BTD: variants seen among roughly 807,000 people sequenced by gnomAD.
BTD encodes the protein biotinidase, also known as biocytinase.
Under a neutral mutation model 17.7 loss-of-function variants are expected in BTD, and 13 were observed. The observed-to-expected ratio is 0.74, with a 90% CI of 0.48 to 1.17. The LOEUF (loss-of-function observed/expected upper bound fraction) is 1.17, where lower values mean the gene tolerates loss of function less well. Ranked by LOEUF, BTD falls within the 50% of genes most tolerant of loss-of-function variation. The probability of loss-of-function intolerance (pLI) is 0.00; values close to 1 mark genes in which losing one functional copy is unlikely to be tolerated. For synonymous variants in BTD, 240 were observed against 245.2 expected (o/e 0.98, Z 0.20); for missense variants, 674 against 650.4 (o/e 1.04, Z -0.39).
At chr3:15,667,412 C>A (rs2066035788) in intron 3 of BTD, 1 of 152,164 alleles carries the variant, frequency 6.6e-6, no homozygotes, top group Non-Finnish European at 1.5e-5. Flanking sequence ...AGTTCTAGAG[C>A]AGAAGCTGGT....
At chr3:15,666,784 T>C (rs1179830419) in intron 3 of BTD, among the ~76,000 whole-genome samples, 3 of 152,260 alleles carry the variant, frequency 2.0e-5, no homozygotes, top group Non-Finnish European at 2.9e-5. Flanking sequence ...AAAGAGCTGC[T>C]GATTTTGTTC....
At chr3:15,702,224 T>A (rs2070727038) in intron 3 of BTD, among the ~76,000 whole-genome samples, 1 of 152,236 alleles carries the variant, frequency 6.6e-6, no homozygotes, top group Non-Finnish European at 1.5e-5. Flanking sequence ...CCTTTATCCA[T>A]TGTTCTATGT....
intron 3 of BTD, among the ~76,000 whole-genome samples, chr3:15,696,683 C>CAA (rs2069624765): frequency 6.6e-6 from 1 of 151,760 alleles, no homozygotes; most frequent in Non-Finnish European, 1.5e-5. Flanking sequence ...GGATGTTAAA[C>CAA]AAAACAAAAC....
At chr3:15,708,542 ACTC>A (rs2071779276) in intron 3 of BTD, among the ~76,000 whole-genome samples, 5 of 152,088 alleles carry the variant, frequency 3.3e-5, no homozygotes, top group African/African-American at 9.7e-5. Context: ...AACCCTCTCA[ACTC>A]AAAGCATTTT....
rs954096519 is a variant in BTD, at chr3:15,617,584, C to G, written c.-17+15690C>G. On this transcript the variant is annotated intron_variant, in intron 1 of 3. Coordinates refer to ENST00000643237, the MANE Select transcript of BTD (RefSeq NM_001370658.1). ...TTTGTCAAAGATGAGTTAACTATAG[C>G]CTGGTGTGCAGTGGTACACACTTGT... Among the ~76,000 whole-genome samples the G allele has an allele frequency of 3.3e-5, 5 of 152,142 alleles. No individual in the cohort carries two copies. In the East Asian group the frequency reaches 7.7e-4, roughly 23 times the overall value.
intron 1 of BTD, among the ~76,000 whole-genome samples, chr3:15,607,150 A>G (rs1232483701): frequency 6.6e-6 from 1 of 151,638 alleles, no homozygotes; most frequent in Non-Finnish European, 1.5e-5. Flanking sequence ...ATTCTTTATT[A>G]CTTTCATTGG....
chr3:15,644,279 CA>C (rs1416958151), intron 3 of BTD, 36 bp from the exon 4 acceptor site: 1 of 1,592,768 alleles, frequency 6.3e-7, no homozygotes, highest in South Asian at 1.1e-5. Context: ...GGATTACAGG[CA>C]AAAACCTCAT....
Position 15,634,215 on chromosome 3 carries a change from T to G in BTD, c.-16-1209T>G, listed in dbSNP as rs147928402. 7.2e-4 allele frequency among the ~76,000 whole-genome samples: 109 copies of G among 152,366 alleles called. 1 individual carries two copies. The East Asian group carries it at 0.019, about 26-fold the overall frequency. On this transcript the variant is annotated intron_variant, in intron 1 of 3. Coordinates refer to ENST00000643237, the MANE Select transcript of BTD (RefSeq NM_001370658.1). ...GAAATTTGTAGCCTGGGGAGTTTGGTTTTAAAATGCAAACACAGGAGTTAT... is the reference window on the plus strand; with the variant it reads ...GAAATTTGTAGCCTGGGGAGTTTGGGTTTAAAATGCAAACACAGGAGTTAT...
At chr3:15,614,598 C>CTTTT (rs869155456) in intron 1 of BTD, among the ~76,000 whole-genome samples, 2 of 125,254 alleles carry the variant, frequency 1.6e-5, no homozygotes, top group East Asian at 2.1e-4. Flanking sequence ...ATATCTTTTT[C>CTTTT]TTTTTTTTTT....
chr3:15,624,988 T>C (rs532616731), intron 1 of BTD, among the ~76,000 whole-genome samples: 9 of 152,344 alleles, frequency 5.9e-5, no homozygotes, highest in Admixed American at 3.3e-4. Flanking sequence ...CCTCCCTAAG[T>C]GCTGGGATTA....
In BTD at chr3:15,649,692, TC is replaced by T. The variant is rs111617925; in HGVS notation, c.*4205del. 1.2e-4 allele frequency among the ~76,000 whole-genome samples: 18 copies of T among 152,198 alleles called. No homozygotes were observed. The highest frequency in any genetic ancestry group is 4.3e-4 in the African/African-American group (18 of 41,456). ...GTACTGTTGTCTGCTTGAAATGGCGTCTTCTGATGAACACTCATCCATCCTT... is the reference window on the plus strand; with the variant it reads ...GTACTGTTGTCTGCTTGAAATGGCGTTTCTGATGAACACTCATCCATCCTT... On this transcript the variant is annotated 3_prime_UTR_variant, in exon 4 of 4. Coordinates refer to ENST00000643237, the MANE Select transcript of BTD (RefSeq NM_001370658.1).
intron 1 of BTD, among the ~76,000 whole-genome samples, chr3:15,613,015 G>T (rs1464129195): frequency 6.6e-6 from 1 of 152,118 alleles, no homozygotes; most frequent in East Asian, 1.9e-4. Flanking sequence ...AAATCTTGGA[G>T]CACCCCAGTT....
At chr3:15,641,426 C>T (rs910593166) in intron 2 of BTD, among the ~76,000 whole-genome samples, 7 of 152,150 alleles carry the variant, frequency 4.6e-5, no homozygotes, top group Admixed American at 3.3e-4. Context: ...GGGGTGGTCC[C>T]GGCATCAGTG....
chr3:15,658,333 C>A (rs557473127), downstream of BTD, among the ~76,000 whole-genome samples: 1 of 152,298 alleles, frequency 6.6e-6, no homozygotes, highest in East Asian at 1.9e-4. Context: ...GTTTCAGCCC[C>A]CTGATGGCTA....
At chr3:15,658,603 A>G (rs937105504), downstream of BTD, among the ~76,000 whole-genome samples, 2 of 152,166 alleles carry the variant, frequency 1.3e-5, no homozygotes, top group African/African-American at 4.8e-5. Flanking sequence ...ACAGAGTGGA[A>G]GCTACCCTGC....
Position 15,694,932 on chromosome 3 carries a change from A to C in BTD, c.400-15128A>C, listed in dbSNP as rs1298083974. ...TTTGGCAACTCAGCAAACTTATAAA[A>C]CATGATTATTATGAAAGTATACTAA... On this transcript the variant is annotated intron_variant, in intron 3 of 3. Transcript: ENST00000672141. 4.2e-6 allele frequency: 4 copies of C among 944,646 alleles called. No individual in the cohort carries two copies. The African/African-American group carries it at 6.5e-5, about 15-fold the overall frequency. The allele number at this position is 944,646 out of a possible 1,614,324, so 58.5% of individuals were successfully genotyped here.
At chr3:15,676,712 C>T in intron 3 of BTD, 4 of 307,666 alleles carry the variant, frequency 1.3e-5, no homozygotes, top group East Asian at 1.4e-4. Context: ...TACTACTTTC[C>T]TTCAGAAAAT....
chr3:15,620,504 A>G (rs2064920296), intron 1 of BTD, among the ~76,000 whole-genome samples: 1 of 152,208 alleles, frequency 6.6e-6, no homozygotes, highest in Non-Finnish European at 1.5e-5. Context: ...CCCTTGTTCC[A>G]TAAAAATCGC....
chr3:15,653,318 T>G lies in BTD; in HGVS notation c.*7830T>G, dbSNP rs1049183278. On this transcript the variant is annotated 3_prime_UTR_variant, in exon 4 of 4. Coordinates refer to ENST00000643237, the MANE Select transcript of BTD (RefSeq NM_001370658.1). ...ACCAAAGCAGGTGCACGGGTCTTAA[T>G]CATCACCTCAGTCCTCTGAAACAGG... Among the ~76,000 whole-genome samples, 10 of 152,364 alleles carry G rather than the reference T, an allele frequency of 6.6e-5. No homozygotes were observed. The highest frequency in any genetic ancestry group is 2.4e-4 in the African/African-American group (10 of 41,574).
Sources: gnomAD v4.1 joint callset for allele counts (sites outside exome capture counted in the v4.1 genomes callset) on GRCh38, gnomAD v4.1.1 for gene constraint, MANE v1.5 for transcripts, NCBI Gene and HGNC (gene_info 2026-07-23, HGNC 2026-07-21) for gene names.